The following GUCY2F variants were observed in gnomAD, a reference collection of about 807,000 sequenced individuals.
GUCY2F encodes guanylate cyclase 2F, retinal.
In GUCY2F, 61 loss-of-function variants were observed where a neutral mutation model predicts 73.1. The ratio of observed to expected loss-of-function variants is 0.83; its 90% CI spans 0.68 to 1.03. The LOEUF is 1.03. Among genes scored for constraint, GUCY2F ranks in the 50% least tolerant of loss-of-function variants. The pLI is 0.00. For synonymous variants in GUCY2F, 331 were observed against 307.8 expected, an observed-to-expected ratio of 1.08 and a Z score of -0.79; for missense variants, 912 against 854.3, an observed-to-expected ratio of 1.07 and a Z score of -0.84.
At chrX:109,435,550 A>G (rs1396630431) in intron 7 of GUCY2F, among the ~76,000 whole-genome samples, 2 of 110,437 alleles carry the variant, frequency 1.8e-5, no homozygotes, top group Non-Finnish European at 3.8e-5. Context: ...GGTTTTCTAG[A>G]TATACAATCA....
chrX:109,406,946 G>A (rs773724598), intron 9 of GUCY2F, among the ~76,000 whole-genome samples: 2 of 112,137 alleles, frequency 1.8e-5, no homozygotes, highest in Non-Finnish European at 3.8e-5. Flanking sequence ...TTTATCAGCA[G>A]CATGAAAATG....
intron 3 of GUCY2F, among the ~76,000 whole-genome samples, chrX:109,462,546 C>T (rs761758263): frequency 8.9e-6 from 1 of 111,849 alleles, no homozygotes; most frequent in East Asian, 2.8e-4. Context: ...AAGCAGAGTG[C>T]AGGCTGCCTA....
At chrX:109,418,203 C>G (rs777575787) in intron 8 of GUCY2F, among the ~76,000 whole-genome samples, 1 of 111,582 alleles carries the variant, frequency 9.0e-6, no homozygotes, top group African/African-American at 3.2e-5. Context: ...GAAGAAAACA[C>G]TCACAGAATT....
At chrX:109,406,288 C>T (rs1930971144) in intron 9 of GUCY2F, among the ~76,000 whole-genome samples, 1 of 111,482 alleles carries the variant, frequency 9.0e-6, no homozygotes, top group Non-Finnish European at 1.9e-5. Flanking sequence ...CTGAGTTCCA[C>T]ATACACAGCC....
chrX:109,399,218 A>C (rs894966491), intron 10 of GUCY2F, among the ~76,000 whole-genome samples: 6 of 112,759 alleles, frequency 5.3e-5, no homozygotes, highest in African/African-American at 1.9e-4. Context: ...CCTTCAACTC[A>C]GTTCTGCAAA....
intron 12 of GUCY2F, among the ~76,000 whole-genome samples, chrX:109,393,774 A>G (rs1176026252): frequency 2.7e-5 from 3 of 112,327 alleles, no homozygotes; most frequent in Non-Finnish European, 5.6e-5. Flanking sequence ...GGAGCTAGGC[A>G]TAGTATTAGA....
At position 109,375,959 on chromosome X, in the gene GUCY2F, C is replaced by A. The variant is rs747715541; in HGVS notation, c.3267G>T (p.Val1089=). Residue 1089 remains valine (V), a synonymous_variant, in exon 19 of 20, where the codon GTG becomes GTT. Coordinates refer to ENST00000218006, the MANE Select transcript of GUCY2F (RefSeq NM_001522.3). ...DGQVGHGLQP[V]EIAAFQRRKA... Reference sequence around the variant, plus strand: ...TTCTTCTTTGGAAGGCTGCAATCTCCACTGGTTGCAGGCCATGGCCCACTT... The same window carrying A: ...TTCTTCTTTGGAAGGCTGCAATCTCAACTGGTTGCAGGCCATGGCCCACTT... The A allele has an allele frequency of 4.3e-5, 52 of 1,207,346 alleles. No homozygotes were observed. The highest frequency in any genetic ancestry group is 4.5e-5 in the Non-Finnish European group (40 of 892,224).
intron 6 of GUCY2F, among the ~76,000 whole-genome samples, chrX:109,447,511 A>G (rs1188607732): frequency 5.5e-5 from 6 of 108,820 alleles, no homozygotes. Flanking sequence ...CATTCTCGGC[A>G]AACTATCGCA....
intron 9 of GUCY2F, among the ~76,000 whole-genome samples, chrX:109,404,735 A>G (rs952237165): frequency 4.6e-4 from 52 of 112,108 alleles, no homozygotes; most frequent in African/African-American, 1.6e-3. Context: ...TAGATTTATT[A>G]ACATTTCAGA....
intron 2 of GUCY2F, among the ~76,000 whole-genome samples, chrX:109,473,973 T>C (rs1157241039): frequency 8.9e-6 from 1 of 112,333 alleles, no homozygotes; most frequent in African/African-American, 3.2e-5. Context: ...TATTATGAAG[T>C]AATCAGAGCC....
At chrX:109,445,336 T>C (rs1273478982) in intron 6 of GUCY2F, among the ~76,000 whole-genome samples, 2 of 112,101 alleles carry the variant, frequency 1.8e-5, no homozygotes, top group Non-Finnish European at 3.8e-5. Context: ...AAAAAATATA[T>C]TGTTGCCCTT....
intron 3 of GUCY2F, among the ~76,000 whole-genome samples, chrX:109,455,676 C>T (rs1932243978): frequency 9.0e-6 from 1 of 111,106 alleles, no homozygotes; most frequent in African/African-American, 3.3e-5. Flanking sequence ...TGGAGTGCCC[C>T]ACAGCTCAGT....
At chrX:109,423,896 T>C (rs1244037885) in intron 8 of GUCY2F, among the ~76,000 whole-genome samples, 2 of 110,401 alleles carry the variant, frequency 1.8e-5, no homozygotes, top group African/African-American at 3.3e-5. Context: ...AAAATAAGAA[T>C]ATAGATCAAT....
In GUCY2F at chrX:109,475,942, T is replaced by C; in HGVS notation, c.-6A>G. ...CGCCCGAGTCCCAGGAACATAGCCC[T>C]CCTGCTTCCAGCAAGCTAATGACGA... is the stretch of plus-strand genomic sequence containing the variant. On this transcript the variant is annotated 5_prime_UTR_variant, in exon 2 of 20. Coordinates refer to ENST00000218006, the MANE Select transcript of GUCY2F (RefSeq NM_001522.3). The C allele has an allele frequency of 1.7e-6, 2 of 1,188,959 alleles. No homozygotes were observed. Among genetic ancestry groups the C allele is most frequent in the Non-Finnish European group, 2.3e-6 (2 of 885,070 alleles).
intron 10 of GUCY2F, among the ~76,000 whole-genome samples, chrX:109,399,975 G>A (rs1012493041): frequency 2.8e-5 from 3 of 108,322 alleles, no homozygotes; most frequent in South Asian, 4.2e-4. Flanking sequence ...GGGGGAGGGC[G>A]GGTGTCTGGA....
chrX:109,442,279 A>G (rs1858187713), intron 6 of GUCY2F, among the ~76,000 whole-genome samples: 1 of 111,574 alleles, frequency 9.0e-6, no homozygotes, highest in South Asian at 3.8e-4. Flanking sequence ...ATAAGTCAAC[A>G]GGTTCCTCAT....
chrX:109,478,838 T>C (rs773095665), intron 1 of GUCY2F, among the ~76,000 whole-genome samples: 2 of 112,490 alleles, frequency 1.8e-5, no homozygotes, highest in East Asian at 5.6e-4. Context: ...TGCACCCCAG[T>C]TGATTGAGCC....
At chrX:109,457,292 C>T (rs1433288695) in intron 3 of GUCY2F, among the ~76,000 whole-genome samples, 1 of 111,553 alleles carries the variant, frequency 9.0e-6, no homozygotes, top group African/African-American at 3.3e-5. Flanking sequence ...AGTTGACTAC[C>T]ATCAGTTCAG....
chrX:109,453,582 G>A lies in GUCY2F; in HGVS notation c.1310C>T (p.Pro437Leu). ...GGGCCTGCCACCAGGGAAGTGAATAGGGGTCCCTCCGAAACGTAGCAGCTC... is the reference window on the plus strand; with the variant it reads ...GGGCCTGCCACCAGGGAAGTGAATAAGGGTCCCTCCGAAACGTAGCAGCTC... ...EMELLRFGGTPIHFPGGRPPR... is the reference protein window; with the variant it reads ...EMELLRFGGTLIHFPGGRPPR... The change falls in exon 4 of 20, where the codon CCT becomes CTT. Residue 437 changes from proline (P) to leucine (L), a missense_variant. Physicochemically the swap from Pro to Leu is moderately conservative, Grantham distance 98 (BLOSUM62 -3). Transcript: ENST00000218006. 7.4e-6 allele frequency: 9 copies of A among 1,209,790 alleles called. No homozygotes were observed. Among genetic ancestry groups the A allele is most frequent in the Non-Finnish European group, 1.0e-5 (9 of 893,841 alleles).
Sources: gnomAD v4.1 joint callset for allele counts (sites outside exome capture counted in the v4.1 genomes callset) on GRCh38, gnomAD v4.1.1 for gene constraint, MANE v1.5 for transcripts, NCBI Gene and HGNC (gene_info 2026-07-23, HGNC 2026-07-21) for gene names.